The following TMPRSS15 variants were observed in gnomAD, a reference collection of about 807,000 sequenced individuals.
TMPRSS15 encodes the protein transmembrane serine protease 15, also known as enteropeptidase.
Under a neutral mutation model 125.3 loss-of-function variants are expected in TMPRSS15, and 128 were observed. That is an observed-to-expected ratio of 1.02 (90% CI 0.89 to 1.18). TMPRSS15 has a LOEUF of 1.18. Among genes scored for constraint, TMPRSS15 ranks in the 50% most tolerant of loss-of-function variants. TMPRSS15 has a pLI of 0.00. For synonymous variants in TMPRSS15, 446 were observed against 423.2 expected (o/e 1.05, Z -0.66); for missense variants, 1,283 against 1,212.7 (o/e 1.06, Z -0.86).
At chr21:18,288,058 C>A (rs2074786795) in intron 21 of TMPRSS15, among the ~76,000 whole-genome samples, 1 of 151,962 alleles carries the variant, frequency 6.6e-6, no homozygotes, top group South Asian at 2.1e-4. Context: ...GCACTATTCA[C>A]AATAGAAAAG....
intron 1 of TMPRSS15, among the ~76,000 whole-genome samples, chr21:18,449,798 G>A (rs758430127): frequency 4.6e-5 from 7 of 151,652 alleles, no homozygotes; most frequent in Admixed American, 1.3e-4. Flanking sequence ...TTTCACTAGG[G>A]CCTAATGGGA....
intron 11 of TMPRSS15, 50 bp from the exon 12 acceptor site, chr21:18,343,706 A>T: frequency 2.6e-6 from 4 of 1,557,148 alleles, no homozygotes; most frequent in East Asian, 2.2e-5. Flanking sequence ...CATTAGAATA[A>T]GTCCTTTTCA....
chr21:18,318,531 A>C (rs2075198060), intron 16 of TMPRSS15, among the ~76,000 whole-genome samples: 1 of 152,242 alleles, frequency 6.6e-6, no homozygotes. Context: ...CCTCTGCCTT[A>C]AGTTATTAAG....
intron 1 of TMPRSS15, among the ~76,000 whole-genome samples, chr21:18,424,912 A>G (rs2076199455): frequency 6.7e-6 from 1 of 148,742 alleles, no homozygotes. Context: ...ATTCATATAT[A>G]TTATATTATA....
At chr21:18,455,982 A>C (rs994161011) in intron 1 of TMPRSS15, among the ~76,000 whole-genome samples, 1 of 152,170 alleles carries the variant, frequency 6.6e-6, no homozygotes, top group Non-Finnish European at 1.5e-5. Flanking sequence ...AGATGACTAA[A>C]CCAATGCTCT....
At chr21:18,408,953 TTTAA>T (rs2076159051) in intron 1 of TMPRSS15, among the ~76,000 whole-genome samples, 1 of 152,074 alleles carries the variant, frequency 6.6e-6, no homozygotes, top group Admixed American at 6.6e-5. Context: ...TCAATTCAAT[TTTAA>T]TTGAGTATGT....
intron 21 of TMPRSS15, among the ~76,000 whole-genome samples, chr21:18,291,972 C>T (rs1372372171): frequency 2.6e-5 from 4 of 152,158 alleles, no homozygotes; most frequent in African/African-American, 4.8e-5. Flanking sequence ...TTGAGACTAA[C>T]AAGACACATT....
rs1342898776 is a variant in TMPRSS15 at position 18,316,567 on chromosome 21, GT to G, written c.1922-1312del. On this transcript the variant is annotated intron_variant, in intron 16 of 24. Transcript: ENST00000284885. ...AAGTTGAGGATAGAGCTCCAAACAA[GT>G]ACAGCAGTGTTGGAGGCATGGGCAT... Among the ~76,000 whole-genome samples, 3 of 152,290 alleles carry G rather than the reference GT, an allele frequency of 2.0e-5. No homozygotes were observed. In the East Asian group the frequency reaches 5.8e-4, roughly 29 times the overall value.
intron 10 of TMPRSS15, among the ~76,000 whole-genome samples, chr21:18,344,551 C>T (rs901818807): frequency 1.3e-5 from 2 of 152,116 alleles, no homozygotes; most frequent in African/African-American, 4.8e-5. Flanking sequence ...TAAGAACCTG[C>T]CTTATTTTAA....
At chr21:18,378,043 C>T (rs2075860330) in intron 5 of TMPRSS15, among the ~76,000 whole-genome samples, 1 of 152,126 alleles carries the variant, frequency 6.6e-6, no homozygotes, top group Non-Finnish European at 1.5e-5. Flanking sequence ...ACTAAGAGGG[C>T]CTTAATGACT....
intron 10 of TMPRSS15, among the ~76,000 whole-genome samples, chr21:18,350,464 C>T (rs2075555724): frequency 6.6e-6 from 1 of 152,102 alleles, no homozygotes; most frequent in Admixed American, 6.6e-5. Context: ...GACCTCTTCT[C>T]TAGTTAGGCA....
rs1294834381 is a variant in TMPRSS15, at chr21:18,413,303, TTTCTTTCTTTTCCTTCC to T, written c.11-14991_11-14975del. 2.9e-3 allele frequency among the ~76,000 whole-genome samples: 333 copies of T among 115,602 alleles called. 2 individuals are homozygous for T. Among genetic ancestry groups the T allele is most frequent in the African/African-American group, 0.011 (320 of 30,368 alleles). The allele number at this position is 115,602 out of a possible 152,430, so 75.8% of individuals were successfully genotyped here. A position where few individuals can be genotyped will look rare whatever the true frequency, so the allele number is the denominator to read the frequency against. On this transcript the variant is annotated intron_variant, in intron 1 of 7. Coordinates refer to the TMPRSS15 transcript ENST00000422787. ...CTTTTTCTTTCTTTCTTTTCTTTCT[TTTCTTTCTTTTCCTTCC>T]TTCCTTCCTTCCTTCCTTCCTTCCT...
chr21:18,359,387 G>A (rs969652991), intron 8 of TMPRSS15, among the ~76,000 whole-genome samples: 2 of 152,034 alleles, frequency 1.3e-5, no homozygotes, highest in Non-Finnish European at 2.9e-5. Flanking sequence ...ACCTCTGTGA[G>A]TTTATAACCT....
chr21:18,276,626 T>C (rs1169160016), intron 23 of TMPRSS15, among the ~76,000 whole-genome samples: 2 of 152,176 alleles, frequency 1.3e-5, no homozygotes, highest in Non-Finnish European at 2.9e-5. Context: ...ATTTGAGCAG[T>C]GTCTGTTTAC....
At chr21:18,441,272 AC>A (rs2076240687) in intron 1 of TMPRSS15, among the ~76,000 whole-genome samples, 1 of 150,806 alleles carries the variant, frequency 6.6e-6, no homozygotes, top group Non-Finnish European at 1.5e-5. Flanking sequence ...CAAGAGTGAA[AC>A]TCCGTCTCAA....
At chr21:18,330,292 GCTGATGATT>G (rs769234319) in intron 14 of TMPRSS15, among the ~76,000 whole-genome samples, 105 of 152,298 alleles carry the variant, frequency 6.9e-4, no homozygotes, top group Admixed American at 2.8e-3. Context: ...AATTGGCGAT[GCTGATGATT>G]CTCATCCCTT....
intron 1 of TMPRSS15, among the ~76,000 whole-genome samples, chr21:18,401,894 G>C (rs1394869658): frequency 6.6e-6 from 1 of 152,016 alleles, no homozygotes; most frequent in Non-Finnish European, 1.5e-5. Context: ...ACTAACCTTT[G>C]TATGTTTATT....
At chr21:18,435,803 T>G (rs1007579813) in intron 1 of TMPRSS15, among the ~76,000 whole-genome samples, 19 of 152,222 alleles carry the variant, frequency 1.2e-4, no homozygotes, top group African/African-American at 4.6e-4. Flanking sequence ...TTGTCACAAT[T>G]TCATATCCTG....
chr21:18,338,839 T>A (rs971301269), intron 13 of TMPRSS15, among the ~76,000 whole-genome samples: 1 of 152,108 alleles, frequency 6.6e-6, no homozygotes, highest in African/African-American at 2.4e-5. Context: ...AAAGGTAAAT[T>A]TGACCTAGAG....
Sources: allele counts gnomAD v4.1 joint callset (sites outside exome capture counted in the v4.1 genomes callset), GRCh38; gene constraint gnomAD v4.1.1; transcripts MANE v1.5; gene names NCBI Gene and HGNC (gene_info 2026-07-23, HGNC 2026-07-21).